The following NMNAT2 variants were observed in gnomAD, a reference collection of about 807,000 sequenced individuals.
The protein encoded by NMNAT2 is nicotinamide nucleotide adenylyltransferase 2.
NMNAT2 carries 11 observed loss-of-function variants against 41.6 expected under a neutral mutation model. The ratio of observed to expected loss-of-function variants is 0.26; its 90% CI spans 0.17 to 0.44. NMNAT2 has a LOEUF of 0.44. Among genes scored for constraint, NMNAT2 ranks in the 20% least tolerant of loss-of-function variants. The pLI, the probability that NMNAT2 is intolerant of heterozygous loss-of-function variation, is 1.00. For synonymous variants in NMNAT2, 148 were observed against 151.2 expected (o/e 0.98, Z 0.16); for missense variants, 288 against 407.7 (o/e 0.71, Z 2.53).
At chr1:183,414,960 C>T (rs2101934208) in intron 1 of NMNAT2, among the ~76,000 whole-genome samples, 1 of 152,072 alleles carries the variant, frequency 6.6e-6, no homozygotes, top group Admixed American at 6.5e-5. Context: ...TTACAAATTT[C>T]AGTCACCTTA....
intron 1 of NMNAT2, among the ~76,000 whole-genome samples, chr1:183,376,439 T>C (rs959147503): frequency 6.6e-6 from 1 of 152,154 alleles, no homozygotes; most frequent in African/African-American, 2.4e-5. Context: ...TGATCTATGA[T>C]GAGGAGTGGA....
At chr1:183,319,885 C>T (rs79033343) in intron 1 of NMNAT2, among the ~76,000 whole-genome samples, 7,227 of 152,320 alleles carry the variant, frequency 0.047, 253 homozygotes, top group Non-Finnish European at 0.067. Flanking sequence ...CCCATCCTCT[C>T]ATTCCCGTTT....
At chr1:183,349,850 G>A (rs1230311806) in intron 1 of NMNAT2, among the ~76,000 whole-genome samples, 1 of 152,168 alleles carries the variant, frequency 6.6e-6, no homozygotes, top group Non-Finnish European at 1.5e-5. Flanking sequence ...TCTGGGAGGG[G>A]GAAGTAGGAA....
chr1:183,295,517 CATT>C (rs1661666855), intron 1 of NMNAT2, among the ~76,000 whole-genome samples: 2 of 152,114 alleles, frequency 1.3e-5, no homozygotes, highest in African/African-American at 4.8e-5. Flanking sequence ...CTTGACAAAT[CATT>C]ATTAACACAT....
chr1:183,417,708 G>A (rs1211565640), intron 1 of NMNAT2, among the ~76,000 whole-genome samples: 8 of 152,168 alleles, frequency 5.3e-5, no homozygotes, highest in African/African-American at 1.7e-4. Context: ...TGTCGGGCGC[G>A]AGTGTGTTTG....
At chr1:183,391,746 T>C (rs925618734) in intron 1 of NMNAT2, among the ~76,000 whole-genome samples, 1 of 152,204 alleles carries the variant, frequency 6.6e-6, no homozygotes, top group East Asian at 1.9e-4. Flanking sequence ...AAAGTGGGCT[T>C]CCACTTCAGT....
intron 7 of NMNAT2, among the ~76,000 whole-genome samples, chr1:183,281,606 T>G (rs192041458): frequency 6.6e-6 from 1 of 152,238 alleles, no homozygotes; most frequent in African/African-American, 2.4e-5. Context: ...AACATTTAAG[T>G]CAGACAAGCG....
chr1:183,349,638 A>G lies in NMNAT2; in HGVS notation c.86-55845T>C, dbSNP rs1384768353. ...TGAGTGTGCTGTTGGCACTCAGAGCAGCAGAAAATAATATGGCTAAAATCC... is the reference window on the plus strand; with the variant it reads ...TGAGTGTGCTGTTGGCACTCAGAGCGGCAGAAAATAATATGGCTAAAATCC... On this transcript the variant is annotated intron_variant, in intron 1 of 10. Transcript: ENST00000287713. Among the ~76,000 whole-genome samples, 3 of 152,230 alleles carry G rather than the reference A, an allele frequency of 2.0e-5. No homozygotes were observed. In the East Asian group the frequency reaches 5.8e-4, roughly 29 times the overall value.
intron 1 of NMNAT2, among the ~76,000 whole-genome samples, chr1:183,327,583 C>T (rs1355045630): frequency 6.6e-6 from 1 of 152,226 alleles, no homozygotes; most frequent in African/African-American, 2.4e-5. Context: ...CTGTACACTG[C>T]ACAGACATCA....
chr1:183,358,247 G>A (rs1424461287), intron 1 of NMNAT2, among the ~76,000 whole-genome samples: 4 of 152,124 alleles, frequency 2.6e-5, no homozygotes, highest in Admixed American at 6.5e-5. Context: ...AGAGGGGAAC[G>A]ACACTCACTG....
intron 1 of NMNAT2, among the ~76,000 whole-genome samples, chr1:183,369,263 CTT>C (rs55925461): frequency 0.11 from 14,962 of 140,012 alleles, 699 homozygotes; most frequent in Middle Eastern, 0.15. Flanking sequence ...CTTTTCTTTT[CTT>C]TTTTTTTTTT....
In NMNAT2 at chr1:183,317,169, G is replaced by C. The variant is rs570023082; in HGVS notation, c.86-23376C>G. Among the ~76,000 whole-genome samples, 3 of 152,376 alleles carry C rather than the reference G, an allele frequency of 2.0e-5. No homozygotes were observed. In the South Asian group the frequency reaches 6.2e-4, roughly 32 times the overall value. ...TCATACCTCAAAAGTGGCAGCCTCA[G>C]AGTGGGGTGGGCCTGGCTGGTCAGC... On this transcript the variant is annotated intron_variant, in intron 1 of 10. Transcript: ENST00000287713.
chr1:183,300,437 A>G (rs1011750689), intron 1 of NMNAT2, among the ~76,000 whole-genome samples: 8 of 149,156 alleles, frequency 5.4e-5, no homozygotes, highest in Non-Finnish European at 1.0e-4. Context: ...AAAAGGCACC[A>G]TGGCACCATT....
chr1:183,302,577 T>A (rs1442730714), intron 1 of NMNAT2, among the ~76,000 whole-genome samples: 1 of 152,134 alleles, frequency 6.6e-6, no homozygotes, highest in African/African-American at 2.4e-5. Context: ...GAGCACACTT[T>A]TCAAATGCAA....
At chr1:183,390,359 C>A (rs1329180390) in intron 1 of NMNAT2, among the ~76,000 whole-genome samples, 1 of 152,180 alleles carries the variant, frequency 6.6e-6, no homozygotes, top group East Asian at 1.9e-4. Context: ...TGCCCTCAGT[C>A]CTCAGTTTCC....
intron 7 of NMNAT2, 149 bp downstream of exon 7, chr1:183,283,846 T>G (rs1661329222): frequency 2.6e-6 from 2 of 755,120 alleles, no homozygotes; most frequent in Non-Finnish European, 4.7e-6. Flanking sequence ...GAATGCAATC[T>G]TAGCCTGGGA....
At chr1:183,368,824 A>G (rs542233602) in intron 1 of NMNAT2, among the ~76,000 whole-genome samples, 13 of 152,344 alleles carry the variant, frequency 8.5e-5, no homozygotes, top group South Asian at 8.3e-4. Flanking sequence ...TTCTTGCTTA[A>G]TCATCAAATT....
intron 8 of NMNAT2, among the ~76,000 whole-genome samples, chr1:183,261,619 C>T (rs1050751665): frequency 6.6e-6 from 1 of 152,212 alleles, no homozygotes; most frequent in African/African-American, 2.4e-5. Flanking sequence ...GTTCACAATG[C>T]TGCAGAATCA....
intron 1 of NMNAT2, among the ~76,000 whole-genome samples, chr1:183,358,724 C>T (rs935881881): frequency 6.6e-6 from 1 of 152,206 alleles, no homozygotes; most frequent in Non-Finnish European, 1.5e-5. Flanking sequence ...CCTAAACATA[C>T]TGAGTCCTAG....
Sources: gnomAD v4.1 joint callset for allele counts (sites outside exome capture counted in the v4.1 genomes callset) on GRCh38, gnomAD v4.1.1 for gene constraint, MANE v1.5 for transcripts, NCBI Gene and HGNC (gene_info 2026-07-23, HGNC 2026-07-21) for gene names.